NFIA: variants seen among roughly 807,000 people sequenced by gnomAD.
NFIA encodes nuclear factor 1 A-type.
A neutral mutation model predicts 62.8 loss-of-function variants in NFIA; 8 were observed. The ratio of observed to expected loss-of-function variants is 0.13; its 90% CI spans 0.07 to 0.23. The LOEUF (loss-of-function observed/expected upper bound fraction) is 0.23, where lower values mean the gene tolerates loss of function less well. NFIA is among the 10% of genes least tolerant of loss of function. The pLI is 1.00. For missense variants in NFIA, 410 were observed against 642.1 expected (o/e 0.64, Z 3.91); for synonymous variants, 235 against 238.1 (o/e 0.99, Z 0.12).
At position 61,395,290 on chromosome 1, in the gene NFIA, T is replaced by G. The variant is rs77381718; in HGVS notation, c.1076-8814T>G. ...GCTTATTTTCTGTGTGTGTGTGTGT[T>G]TTTTTTTTTTTTTAATGCAGGAAAA... is the stretch of plus-strand genomic sequence containing the variant. On this transcript the variant is annotated intron_variant, in intron 7 of 10. Coordinates refer to ENST00000403491, the MANE Select transcript of NFIA (RefSeq NM_001134673.4). Among the ~76,000 whole-genome samples, 764 of 91,170 alleles carry G rather than the reference T, an allele frequency of 8.4e-3. 3 individuals are homozygous for G. The highest frequency in any genetic ancestry group is 0.012 in the Non-Finnish European group (557 of 46,558). 59.8% of individuals were successfully genotyped at this position (91,170 alleles called of 152,430 possible). A position where few individuals can be genotyped will look rare whatever the true frequency, so the allele number is the denominator to read the frequency against.
chr1:61,102,911 G>T (rs895223565), intron 2 of NFIA, among the ~76,000 whole-genome samples: 1 of 152,172 alleles, frequency 6.6e-6, no homozygotes, highest in Non-Finnish European at 1.5e-5. Flanking sequence ...GGAAGTAGAA[G>T]TTAAAGTCTG....
chr1:61,394,967 C>T (rs1033556655), intron 7 of NFIA, among the ~76,000 whole-genome samples: 3 of 152,074 alleles, frequency 2.0e-5, no homozygotes, highest in African/African-American at 4.8e-5. Context: ...ATTAGCCGAG[C>T]GTGGTGGCAC....
Position 61,090,021 on chromosome 1 carries a change from AT to A in NFIA, c.559+1342del, listed in dbSNP as rs1557557491. ...GGTTTTCAAAAATGTATACTTAATT[AT>A]AAGAATTGCCTTTTGCTTTAGCCAA... On this transcript the variant is annotated intron_variant, in intron 2 of 10. Coordinates refer to ENST00000403491, the MANE Select transcript of NFIA (RefSeq NM_001134673.4). 3.9e-5 allele frequency among the ~76,000 whole-genome samples: 6 copies of A among 152,310 alleles called. 1 individual carries two copies. In the South Asian group the frequency reaches 1.2e-3, roughly 32 times the overall value.
At chr1:61,151,382 C>CTTTTTTT (rs60675167) in intron 2 of NFIA, among the ~76,000 whole-genome samples, 6 of 141,758 alleles carry the variant, frequency 4.2e-5, no homozygotes, top group Non-Finnish European at 6.1e-5. Context: ...GCTAATACAG[C>CTTTTTTT]TTTTTTTTTT....
In NFIA at chr1:61,353,514, G is replaced by A. The variant is rs143781510; in HGVS notation, c.818+947G>A. ...AACAAAGAATAGAATGGTACAGAAC[G>A]ATCTTTAATGTTTGTGTACTTTGCA... On this transcript the variant is annotated intron_variant, in intron 5 of 10. Coordinates refer to ENST00000403491, the MANE Select transcript of NFIA (RefSeq NM_001134673.4). Among the ~76,000 whole-genome samples, 10 of 152,244 alleles carry A rather than the reference G, an allele frequency of 6.6e-5. No homozygotes were observed. In the East Asian group the frequency reaches 1.5e-3, roughly 23 times the overall value.
chr1:61,221,499 G>T (rs918041692), intron 2 of NFIA, among the ~76,000 whole-genome samples: 4 of 152,116 alleles, frequency 2.6e-5, no homozygotes, highest in African/African-American at 7.2e-5. Flanking sequence ...AGAATAAATA[G>T]ACCTTCCATA....
In NFIA at chr1:61,457,944, T is replaced by A. The variant is rs1668376718; in HGVS notation, c.*2624T>A. On this transcript the variant is annotated 3_prime_UTR_variant, in exon 11 of 11. Coordinates refer to ENST00000403491, the MANE Select transcript of NFIA (RefSeq NM_001134673.4). This position sits in a 1 kb window ranked among gnomAD's most constrained non-coding sequence, Gnocchi z 4.2. ...AAAGTATATAATGCCCATTTTTATA[T>A]GCACGTTTTTAAACTTCCAAGTTCT... 6.6e-6 allele frequency: 1 copy of A among 152,202 alleles called. No individual in the cohort carries two copies. Among genetic ancestry groups the A allele is most frequent in the Non-Finnish European group, 1.5e-5 (1 of 68,044 alleles). 9.4% of individuals were successfully genotyped at this position (152,202 alleles called of 1,614,324 possible).
At chr1:61,389,747 T>G (rs1394609655) in intron 7 of NFIA, among the ~76,000 whole-genome samples, 1 of 151,752 alleles carries the variant, frequency 6.6e-6, no homozygotes, top group Non-Finnish European at 1.5e-5. Context: ...ACACTGAGTT[T>G]TTTTTTTTTA....
intron 3 of NFIA, among the ~76,000 whole-genome samples, chr1:61,304,490 A>G (rs1659652864): frequency 6.6e-6 from 1 of 152,172 alleles, no homozygotes; most frequent in African/African-American, 2.4e-5. Context: ...AAACGGGTGG[A>G]AAATATGGGG....
intron 10 of NFIA, among the ~76,000 whole-genome samples, chr1:61,433,418 G>A (rs1057509354): frequency 3.3e-5 from 5 of 151,958 alleles, no homozygotes; most frequent in Non-Finnish European, 4.4e-5. Context: ...TCACTTAGAA[G>A]CATTCTGTGT....
chr1:61,206,106 A>G (rs1652883916), intron 2 of NFIA, among the ~76,000 whole-genome samples: 1 of 151,646 alleles, frequency 6.6e-6, no homozygotes, highest in African/African-American at 2.4e-5. Flanking sequence ...TTTTAAAATT[A>G]TTTTTTGTCT....
chr1:61,114,948 G>A (rs1318198087), intron 2 of NFIA, among the ~76,000 whole-genome samples: 1 of 152,036 alleles, frequency 6.6e-6, no homozygotes, highest in Non-Finnish European at 1.5e-5. Context: ...AACATTAAGT[G>A]AATATATATA....
intron 7 of NFIA, among the ~76,000 whole-genome samples, chr1:61,387,707 G>A (rs148945215): frequency 1.3e-5 from 2 of 152,272 alleles, no homozygotes; most frequent in African/African-American, 4.8e-5. Context: ...TATCTTTGTT[G>A]TGCCTCACAC....
chr1:61,184,206 G>A (rs902771737), intron 2 of NFIA, among the ~76,000 whole-genome samples: 1 of 151,724 alleles, frequency 6.6e-6, no homozygotes, highest in Non-Finnish European at 1.5e-5. Context: ...AATGGGACTC[G>A]GCTTGCTTCT....
intron 10 of NFIA, among the ~76,000 whole-genome samples, chr1:61,432,821 G>A (rs946866642): frequency 2.0e-5 from 3 of 151,974 alleles, no homozygotes; most frequent in African/African-American, 7.3e-5. Context: ...TCCTGACTTT[G>A]AGCCAAGTTA....
chr1:61,417,019 A>G (rs1246369071), intron 9 of NFIA, among the ~76,000 whole-genome samples: 3 of 152,270 alleles, frequency 2.0e-5, no homozygotes, highest in East Asian at 3.9e-4. Flanking sequence ...GATAAGCATT[A>G]CAAAGAAGGA....
chr1:61,210,998 T>C (rs1653217764), intron 2 of NFIA, among the ~76,000 whole-genome samples: 1 of 152,236 alleles, frequency 6.6e-6, no homozygotes, highest in East Asian at 1.9e-4. Context: ...ATGCTCTGTA[T>C]TTATAGCAAT....
chr1:61,293,086 C>CCG (rs566375378), intron 3 of NFIA, among the ~76,000 whole-genome samples: 114 of 152,294 alleles, frequency 7.5e-4, no homozygotes, highest in African/African-American at 2.7e-3. Flanking sequence ...AACATACTAA[C>CCG]CGCATCACAT....
chr1:61,261,294 G>C (rs1271947551), intron 2 of NFIA, among the ~76,000 whole-genome samples: 1 of 152,074 alleles, frequency 6.6e-6, no homozygotes, highest in Admixed American at 6.5e-5. Flanking sequence ...CTCTAACTTA[G>C]GATGGTTCAA....
Sources: allele counts gnomAD v4.1 joint callset (sites outside exome capture counted in the v4.1 genomes callset), GRCh38; gene constraint gnomAD v4.1.1; non-coding constraint Gnocchi (gnomAD v3.1); transcripts MANE v1.5; gene names NCBI Gene and HGNC (gene_info 2026-07-23, HGNC 2026-07-21).